Variants in GSE1 observed in about 807,000 individuals in gnomAD.
GSE1 encodes the protein Gse1 coiled-coil protein, also known as genetic suppressor element 1.
In GSE1, 32 loss-of-function variants were observed where a neutral mutation model predicts 112.6. That is an observed-to-expected ratio of 0.28 (90% CI 0.21 to 0.38). The LOEUF (loss-of-function observed/expected upper bound fraction) is 0.38. Ranked by LOEUF, GSE1 falls within the 10% of genes least tolerant of loss-of-function variation. The pLI is 1.00. For missense variants in GSE1, 2,348 were observed against 1,699.2 expected (o/e 1.38, Z -6.71); for synonymous variants, 1,115 against 735.6 (o/e 1.52, Z -8.35).
At chr16:85,461,983 A>G (rs1463174629) in intron 2 of GSE1, among the ~76,000 whole-genome samples, 1 of 152,194 alleles carries the variant, frequency 6.6e-6, no homozygotes. Flanking sequence ...CAGCTTGAAG[A>G]GTCACTTAGA....
At chr16:85,269,959 G>A (rs1159609401) in intron 1 of GSE1, among the ~76,000 whole-genome samples, 1 of 149,586 alleles carries the variant, frequency 6.7e-6, no homozygotes, top group African/African-American at 2.4e-5. Flanking sequence ...GTGAGCCCGT[G>A]TTGCAGGTTT....
At chr16:85,623,282 A>T (rs1212306178) in intron 1 of GSE1, among the ~76,000 whole-genome samples, 1 of 147,840 alleles carries the variant, frequency 6.8e-6, no homozygotes, top group African/African-American at 2.5e-5. Context: ...TCGCGCAATC[A>T]CAACTCAAGG....
At chr16:85,650,693 G>A (rs1230793233) in intron 3 of GSE1, among the ~76,000 whole-genome samples, 3 of 152,196 alleles carry the variant, frequency 2.0e-5, no homozygotes, top group African/African-American at 4.8e-5. Context: ...GCGCGGGGCC[G>A]GCAGCTGGAT....
At chr16:85,331,413 GCGTATATA>G (rs1196058508) in intron 1 of GSE1, among the ~76,000 whole-genome samples, 8 of 79,664 alleles carry the variant, frequency 1.0e-4, no homozygotes, top group East Asian at 4.7e-4. Flanking sequence ...GTATATATAT[GCGTATATA>G]TGTATATATG....
rs67916368 is a variant in GSE1, at chr16:85,443,982, C to CTTTTT, written c.2464+86356_2464+86360dup. 7.0e-3 allele frequency among the ~76,000 whole-genome samples: 543 copies of CTTTTT among 77,602 alleles called. 21 individuals carry two copies. The highest frequency in any genetic ancestry group is 0.023 in the Middle Eastern group (1 of 44). 50.9% of individuals were successfully genotyped at this position (77,602 alleles called of 152,430 possible). ...CCACGTTCCGGGAGACAAGGGGGCG[C>CTTTTT]TTTTTTTTTTTTTTTTTTTTTGAGA... On this transcript the variant is annotated intron_variant, in intron 2 of 2. Coordinates refer to the GSE1 transcript ENST00000637419.
intron 1 of GSE1, among the ~76,000 whole-genome samples, chr16:85,316,588 G>C (rs776169636): frequency 6.6e-6 from 1 of 152,214 alleles, no homozygotes; most frequent in African/African-American, 2.4e-5. Context: ...TGGACTGCCC[G>C]TGGCCAGTAG....
intron 2 of GSE1, among the ~76,000 whole-genome samples, chr16:85,474,214 G>A (rs1359085988): frequency 1.3e-5 from 2 of 152,184 alleles, no homozygotes; most frequent in South Asian, 4.2e-4. Context: ...CAGAGAAGGG[G>A]GGCAGAGGTT....
rs2044119753 is a variant in GSE1, at chr16:85,531,059, GCACA to G, written c.2465-102851_2465-102848del. ...CCAAGGAGTTGCCAACTGATGCCAT[GCACA>G]CACCTTTGCCTCTGGCTTCGTTCGG... On this transcript the variant is annotated intron_variant, in intron 2 of 2. Coordinates refer to the GSE1 transcript ENST00000637419. 2.0e-5 allele frequency among the ~76,000 whole-genome samples: 3 copies of G among 152,254 alleles called. No homozygotes were observed. In the South Asian group the frequency reaches 6.2e-4, roughly 31 times the overall value.
At chr16:85,554,836 G>A (rs1424376569), upstream of GSE1, 7 of 980,708 alleles carry the variant, frequency 7.1e-6, no homozygotes, top group Middle Eastern at 5.2e-4. Context: ...GCGGAGTTGG[G>A]CAGCCGGAGG....
At chr16:85,331,343 G>GTATATATA (rs1567692416) in intron 1 of GSE1, among the ~76,000 whole-genome samples, 6 of 84,310 alleles carry the variant, frequency 7.1e-5, no homozygotes, top group African/African-American at 2.2e-4. Context: ...GTGTGTGTGT[G>GTATATATA]TGTGTGTGTG....
chr16:85,604,929 T>C (rs2047634159), intron 1 of GSE1, among the ~76,000 whole-genome samples: 1 of 129,092 alleles, frequency 7.7e-6, no homozygotes, highest in Admixed American at 8.3e-5. Flanking sequence ...GCCATTCTCC[T>C]GCCTCAGCCT....
In GSE1 at chr16:85,282,322, G is replaced by A. The variant is rs544484471; in HGVS notation, c.2284-75141G>A. Among the ~76,000 whole-genome samples, 10 of 152,318 alleles carry A rather than the reference G, an allele frequency of 6.6e-5. No individual in the cohort carries two copies. In the East Asian group the frequency reaches 1.5e-3, roughly 23 times the overall value. On this transcript the variant is annotated intron_variant, in intron 1 of 2. Coordinates refer to the GSE1 transcript ENST00000637419. ...ATTACAGGCGTGAGCCACCGCGCCC[G>A]GCTGGGTTGCTGTGTTTTCATGACT...
chr16:85,355,319 C>T (rs1477962677), intron 1 of GSE1, among the ~76,000 whole-genome samples: 1 of 152,216 alleles, frequency 6.6e-6, no homozygotes, highest in East Asian at 1.9e-4. Flanking sequence ...GGGTCACCAA[C>T]CCCCACGACA....
chr16:85,370,790 G>C (rs781190570), intron 2 of GSE1, among the ~76,000 whole-genome samples: 10 of 152,224 alleles, frequency 6.6e-5, no homozygotes, highest in Admixed American at 2.6e-4. Context: ...GTGTGACCTG[G>C]GCGGGATATC....
At chr16:85,175,858 G>C (rs571947186) in intron 1 of GSE1, among the ~76,000 whole-genome samples, 1 of 152,292 alleles carries the variant, frequency 6.6e-6, no homozygotes, top group South Asian at 2.1e-4. Flanking sequence ...TCGTAAATAA[G>C]GAAATAAGTT....
At chr16:85,489,918 C>G (rs1251114108) in intron 2 of GSE1, 1 of 152,086 alleles carries the variant, frequency 6.6e-6, no homozygotes, top group African/African-American at 2.4e-5. Context: ...CCGTGGCAGC[C>G]ACAGCCACGC....
rs2052417603 is a variant in GSE1, at chr16:85,661,399, G to A, written c.1894G>A (p.Glu632Lys). 6.2e-7 allele frequency: 1 copy of A among 1,612,202 alleles called. No homozygotes were observed. The highest frequency in any genetic ancestry group is 8.5e-7 in the Non-Finnish European group (1 of 1,179,730). The change falls in exon 9 of 16, where the codon GAG (glutamate) becomes AAG (lysine). Residue 632 changes from glutamate (E) to lysine (K), a missense_variant. Physicochemically the swap from Glu to Lys is moderately conservative, Grantham distance 56. Transcript: ENST00000253458. ...LVKVERVFCPEKAEEGPRKRE... is the reference protein window; with the variant it reads ...LVKVERVFCPKKAEEGPRKRE... ...GAAGGTGGAGCGGGTCTTCTGCCCGGAGAAAGCAGAGGAGGGGCCACGGAA... is the reference window on the plus strand; with the variant it reads ...GAAGGTGGAGCGGGTCTTCTGCCCGAAGAAAGCAGAGGAGGGGCCACGGAA...
chr16:85,411,760 G>A (rs1427399859), intron 2 of GSE1, among the ~76,000 whole-genome samples: 1 of 31,802 alleles, frequency 3.1e-5, no homozygotes, highest in African/African-American at 1.6e-4. Flanking sequence ...AATCCTCACC[G>A]TTACACTCAG....
At chr16:85,596,670 G>T (rs1160116702) in intron 1 of GSE1, among the ~76,000 whole-genome samples, 1 of 152,086 alleles carries the variant, frequency 6.6e-6, no homozygotes, top group Non-Finnish European at 1.5e-5. Flanking sequence ...TTGTCACACT[G>T]GCCACAATTC....
Sources: gnomAD v4.1 joint callset for allele counts (sites outside exome capture counted in the v4.1 genomes callset) on GRCh38, gnomAD v4.1.1 for gene constraint, MANE v1.5 for transcripts, NCBI Gene and HGNC (gene_info 2026-07-23, HGNC 2026-07-21) for gene names.